Variants in SHISA9 observed in about 807,000 individuals in gnomAD.
The protein encoded by SHISA9 is protein shisa-9.
Under a neutral mutation model 38.0 loss-of-function variants are expected in SHISA9, and 13 were observed. The ratio of observed to expected loss-of-function variants is 0.34; its 90% CI spans 0.22 to 0.54. SHISA9 has a LOEUF of 0.54. Among genes scored for constraint, SHISA9 ranks in the 20% least tolerant of loss-of-function variants. The pLI, the probability that SHISA9 is intolerant of heterozygous loss-of-function variation, is 0.91. For synonymous variants in SHISA9, 275 were observed against 242.0 expected, an observed-to-expected ratio of 1.14 and a Z score of -1.27; for missense variants, 538 against 575.8, an observed-to-expected ratio of 0.93 and a Z score of 0.67.
the SHISA9 span, among the ~76,000 whole-genome samples, chr16:13,442,147 A>T: frequency 6.6e-6 from 1 of 152,154 alleles, no homozygotes; most frequent in South Asian, 2.1e-4. Flanking sequence ...GCAGAAATAT[A>T]ACTCTTCTGT....
At chr16:13,435,197 T>C in the SHISA9 span, among the ~76,000 whole-genome samples, 1 of 151,964 alleles carries the variant, frequency 6.6e-6, no homozygotes, top group Non-Finnish European at 1.5e-5. Flanking sequence ...ATTTATTCCC[T>C]GAAAGGATAG....
chr16:12,915,814 A>G (rs2071246053), intron 1 of SHISA9, among the ~76,000 whole-genome samples: 1 of 152,240 alleles, frequency 6.6e-6, no homozygotes, highest in Admixed American at 6.5e-5. Flanking sequence ...TTTATGTAAA[A>G]GACACACACA....
At chr16:13,344,036 A>C in the SHISA9 span, among the ~76,000 whole-genome samples, 2 of 152,238 alleles carry the variant, frequency 1.3e-5, no homozygotes, top group Non-Finnish European at 2.9e-5. Flanking sequence ...CTTCTCTGCC[A>C]CAGCCTCAGG....
At chr16:13,448,118 G>T in the SHISA9 span, among the ~76,000 whole-genome samples, 1 of 152,156 alleles carries the variant, frequency 6.6e-6, no homozygotes, top group South Asian at 2.1e-4. Flanking sequence ...ATACACCATC[G>T]GACTTACTGC....
At chr16:13,557,983 A>C in the SHISA9 span, among the ~76,000 whole-genome samples, 1 of 152,162 alleles carries the variant, frequency 6.6e-6, no homozygotes, top group Non-Finnish European at 1.5e-5. Context: ...ATCACCTGAT[A>C]CTAGTAATTG....
intron 2 of SHISA9, among the ~76,000 whole-genome samples, chr16:13,181,272 T>TAC: frequency 2.7e-5 from 1 of 36,948 alleles, no homozygotes; most frequent in Non-Finnish European, 4.8e-5. Flanking sequence ...AAATTTTATA[T>TAC]ATATATATAT....
the SHISA9 span, among the ~76,000 whole-genome samples, chr16:13,438,072 G>A: frequency 6.6e-6 from 1 of 151,986 alleles, no homozygotes; most frequent in African/African-American, 2.4e-5. Context: ...CACCATGCTG[G>A]CCAGGCTGGT....
chr16:13,376,776 C>G, the SHISA9 span, among the ~76,000 whole-genome samples: 3 of 152,128 alleles, frequency 2.0e-5, no homozygotes, highest in African/African-American at 7.2e-5. Context: ...TCACTGCAGC[C>G]TTGACCTCTT....
At chr16:13,098,941 A>G (rs4781410) in intron 2 of SHISA9, among the ~76,000 whole-genome samples, 17,153 of 152,318 alleles carry the variant, frequency 0.11, 1,331 homozygotes, top group Admixed American at 0.2. Context: ...GGGATGAGTC[A>G]TTAGTTAAAA....
chr16:13,029,251 G>T (rs574977235), intron 2 of SHISA9, among the ~76,000 whole-genome samples: 66 of 152,304 alleles, frequency 4.3e-4, no homozygotes, highest in Non-Finnish European at 7.2e-4. Flanking sequence ...TCCATCAGTT[G>T]ATGAATGGAT....
chr16:13,489,433 C>T, the SHISA9 span, among the ~76,000 whole-genome samples: 1 of 152,004 alleles, frequency 6.6e-6, no homozygotes, highest in Non-Finnish European at 1.5e-5. Flanking sequence ...TCACTTGATC[C>T]CTGATATGGC....
At chr16:13,343,831 G>C in the SHISA9 span, among the ~76,000 whole-genome samples, 1 of 152,260 alleles carries the variant, frequency 6.6e-6, no homozygotes, top group East Asian at 1.9e-4. Flanking sequence ...TAAACATCTT[G>C]AGAAGCTTTT....
the SHISA9 span, among the ~76,000 whole-genome samples, chr16:13,424,487 T>C: frequency 2.6e-5 from 4 of 152,260 alleles, no homozygotes; most frequent in African/African-American, 7.2e-5. Flanking sequence ...TGCAGTAAGA[T>C]TGGGAGAGGA....
At chr16:13,142,180 TG>T in intron 2 of SHISA9, among the ~76,000 whole-genome samples, 1 of 152,318 alleles carries the variant, frequency 6.6e-6, no homozygotes, top group Non-Finnish European at 1.5e-5. Context: ...TGTCTACGTG[TG>T]GACTGGGCGA....
At chr16:13,351,824 A>C in the SHISA9 span, among the ~76,000 whole-genome samples, 2 of 152,212 alleles carry the variant, frequency 1.3e-5, no homozygotes, top group Non-Finnish European at 2.9e-5. Flanking sequence ...AATTTACTCT[A>C]GTCTGAAATA....
chr16:13,336,529 C>A, the SHISA9 span, among the ~76,000 whole-genome samples: 5 of 152,208 alleles, frequency 3.3e-5, no homozygotes, highest in Non-Finnish European at 7.3e-5. Flanking sequence ...TAGCAACCTA[C>A]AGTGTTGCTT....
chr16:13,047,430 G>T (rs542029633), intron 2 of SHISA9, among the ~76,000 whole-genome samples: 1 of 152,286 alleles, frequency 6.6e-6, no homozygotes, highest in African/African-American at 2.4e-5. Flanking sequence ...GATTGTGGCA[G>T]ATTTGCAGTT....
chr16:13,153,718 C>T (rs1399221336), intron 2 of SHISA9, among the ~76,000 whole-genome samples: 3 of 152,188 alleles, frequency 2.0e-5, no homozygotes, highest in African/African-American at 7.2e-5. Context: ...TGCCAGTCTT[C>T]TCTGGAGCAT....
At chr16:13,124,347 G>T (rs1000693058) in intron 2 of SHISA9, among the ~76,000 whole-genome samples, 3 of 152,170 alleles carry the variant, frequency 2.0e-5, no homozygotes, top group Non-Finnish European at 4.4e-5. Context: ...TTGGAGAGAG[G>T]TTGCCATCTT....
Sources: allele counts gnomAD v4.1 joint callset (sites outside exome capture counted in the v4.1 genomes callset), GRCh38; gene constraint gnomAD v4.1.1; transcripts MANE v1.5; gene names NCBI Gene and HGNC (gene_info 2026-07-23, HGNC 2026-07-21).